KDM1B: variants seen among roughly 807,000 people sequenced by gnomAD.
KDM1B encodes the protein lysine demethylase 1B, also known as lysine-specific histone demethylase 2.
A neutral mutation model predicts 107.4 loss-of-function variants in KDM1B; 63 were observed. The observed-to-expected ratio is 0.59, with a 90% confidence interval of 0.48 to 0.72. The LOEUF (loss-of-function observed/expected upper bound fraction) is 0.72. KDM1B is among the 30% of genes least tolerant of loss of function. KDM1B has a pLI of 0.00. For missense variants in KDM1B, 749 were observed against 1,020.8 expected (o/e 0.73, Z 3.63); for synonymous variants, 363 against 363.9 (o/e 1.00, Z 0.03).
Position 18,213,451 on chromosome 6 carries a change from C to T in KDM1B, c.1984-205C>T, listed in dbSNP as rs545756718. ...AACTCCGTCTCAAAAAAAAAAAAAA[C>T]CCAAAAAACAAAACAAAACAAAAAA... is the stretch of plus-strand genomic sequence containing the variant. On this transcript the variant is annotated intron_variant, in intron 18 of 21. Coordinates refer to ENST00000650836, the MANE Select transcript of KDM1B (RefSeq NM_001364614.2). This position sits in a 1 kb window ranked among gnomAD's most constrained non-coding sequence, Gnocchi z 5.9. Among the ~76,000 whole-genome samples the T allele has an allele frequency of 1.4e-4, 21 of 147,352 alleles. No homozygotes were observed. The highest frequency in any genetic ancestry group is 5.3e-4 in the African/African-American group (21 of 39,946).
chr6:18,219,928 C>T (rs971526982), intron 21 of KDM1B, among the ~76,000 whole-genome samples: 4 of 152,188 alleles, frequency 2.6e-5, no homozygotes, highest in African/African-American at 9.6e-5. Flanking sequence ...GCCCTGATCT[C>T]TAAGTCACAT....
intron 21 of KDM1B, among the ~76,000 whole-genome samples, chr6:18,219,868 T>G (rs750816815): frequency 2.0e-5 from 3 of 152,240 alleles, no homozygotes; most frequent in Non-Finnish European, 1.5e-5. Context: ...AGCTTCATTG[T>G]TAGTTATGAA....
chr6:18,213,732 G>A lies in KDM1B; in HGVS notation c.2060G>A (p.Ser687Asn), dbSNP rs376929914. 41 of 1,614,006 alleles carry A rather than the reference G, an allele frequency of 2.5e-5. No homozygotes were observed. The highest frequency in any genetic ancestry group is 3.4e-5 in the Non-Finnish European group (40 of 1,179,958). The part of the protein sequence containing the change: ...GADFFGHVPP[S>N]ASKRGLFAVF... Reference sequence around the variant, plus strand: ...GACTTTTTTGGTCACGTTCCTCCCAGTGCCAGCAAGCGAGGGCTTTTTGCC... The same window carrying A: ...GACTTTTTTGGTCACGTTCCTCCCAATGCCAGCAAGCGAGGGCTTTTTGCC... The change falls in exon 19 of 22, where the codon AGT (serine) becomes AAT (asparagine). Residue 687 changes from serine (S) to asparagine (N), a missense_variant. By Grantham distance (46) the Ser-to-Asn change is conservative. Transcript: ENST00000650836. The surrounding 1 kb of genome is among the most constrained non-coding windows in gnomAD (Gnocchi z 5.9).
rs905348834 is a variant in KDM1B at position 18,162,672 on chromosome 6, T to C, written c.216-163T>C. Among the ~76,000 whole-genome samples, 70 of 152,178 alleles carry C rather than the reference T, an allele frequency of 4.6e-4. No homozygotes were observed. The highest frequency in any genetic ancestry group is 1.7e-3 in the African/African-American group (70 of 41,444). On this transcript the variant is annotated intron_variant, in intron 4 of 21. Transcript: ENST00000650836. The surrounding 1 kb of genome is among the most constrained non-coding windows in gnomAD (Gnocchi z 4.1). Reference sequence around the variant, plus strand: ...TAAGTCCCTGCATCCTTCCTGTGTGTTATTATCTACTAGTAATCCATTCCT... The same window carrying C: ...TAAGTCCCTGCATCCTTCCTGTGTGCTATTATCTACTAGTAATCCATTCCT...
intron 7 of KDM1B, among the ~76,000 whole-genome samples, chr6:18,185,129 C>G (rs1431230135): frequency 6.6e-6 from 1 of 152,094 alleles, no homozygotes; most frequent in Admixed American, 6.5e-5. Context: ...GAAAATATAA[C>G]CCAGTTAGAA....
intron 12 of KDM1B, among the ~76,000 whole-genome samples, chr6:18,198,467 G>A (rs1266281215): frequency 2.0e-5 from 3 of 151,478 alleles, no homozygotes; most frequent in Non-Finnish European, 2.9e-5. Flanking sequence ...CAGTTAAAGC[G>A]ATCTGCCTGC....
At position 18,201,122 on chromosome 6, in the gene KDM1B, C is replaced by T. The variant is rs1344214283; in HGVS notation, c.1360-364C>T. 6.6e-6 allele frequency among the ~76,000 whole-genome samples: 1 copy of T among 152,142 alleles called. No individual in the cohort carries two copies. Among genetic ancestry groups the T allele is most frequent in the East Asian group, 1.9e-4 (1 of 5,190 alleles). ...TTGATGGTCAATTCAATTTCAACTTCTGCTATGAGTGTTTGTGTGTTTGTG... is the reference window on the plus strand; with the variant it reads ...TTGATGGTCAATTCAATTTCAACTTTTGCTATGAGTGTTTGTGTGTTTGTG... On this transcript the variant is annotated intron_variant, in intron 13 of 21. Transcript: ENST00000650836. The surrounding 1 kb of genome is among the most constrained non-coding windows in gnomAD (Gnocchi z 4.3).
At position 18,183,157 on chromosome 6, in the gene KDM1B, C is replaced by T. The variant is rs559373842; in HGVS notation, c.535-2615C>T. 5.9e-5 allele frequency among the ~76,000 whole-genome samples: 9 copies of T among 152,060 alleles called. No individual in the cohort carries two copies. The East Asian group carries it at 1.7e-3, about 29-fold the overall frequency. ...CTACTACTCAGTTGAAGAAACAGAG[C>T]ACTCCCAGTGGCTTTGTCCCTCCCT... is the stretch of plus-strand genomic sequence containing the variant. On this transcript the variant is annotated intron_variant, in intron 7 of 21. Coordinates refer to ENST00000650836, the MANE Select transcript of KDM1B (RefSeq NM_001364614.2).
chr6:18,215,230 G>T (rs1256107353), intron 20 of KDM1B, 101 bp downstream of exon 20: 29 of 1,337,418 alleles, frequency 2.2e-5, no homozygotes, highest in South Asian at 2.8e-5. Flanking sequence ...TCACAGGAAG[G>T]AAGGCAGAGG....
intron 8 of KDM1B, 66 bp downstream of exon 8, chr6:18,185,876 A>G (rs1786820690): frequency 7.1e-7 from 1 of 1,417,810 alleles, no homozygotes; most frequent in Admixed American, 1.7e-5. Flanking sequence ...TTACAAGGAA[A>G]TGATAGTAAC....
intron 7 of KDM1B, among the ~76,000 whole-genome samples, chr6:18,177,443 GT>G (rs1226243371): frequency 7.0e-6 from 1 of 143,106 alleles, no homozygotes; most frequent in African/African-American, 2.6e-5. Context: ...ATTTTTTTTT[GT>G]TTCAATTTCA....
chr6:18,197,156 A>G lies in KDM1B; in HGVS notation c.1069A>G (p.Thr357Ala). The G allele has an allele frequency of 3.1e-6, 5 of 1,614,058 alleles. No homozygotes were observed. The highest frequency in any genetic ancestry group is 4.2e-6 in the Non-Finnish European group (5 of 1,179,988). Residue 357 changes from threonine (T) to alanine (A), a missense_variant, in exon 11 of 22, where the codon ACC (threonine) becomes GCC (alanine). Thr to Ala is a moderately conservative substitution (Grantham distance 58). Coordinates refer to ENST00000650836, the MANE Select transcript of KDM1B (RefSeq NM_001364614.2). This position sits in a 1 kb window ranked among gnomAD's most constrained non-coding sequence, Gnocchi z 4.5. ...QEVERILYFM[T>A]RKGLINTGVL... is the part of the protein sequence containing the mutation. ...AGTGGAGAGAATACTGTATTTTATG[A>G]CCAGAAAAGGTCTCATCAACACTGG...
In KDM1B at chr6:18,205,772, TCA is replaced by T; in HGVS notation, c.1659+109_1659+110del. The T allele has an allele frequency of 9.2e-7, 1 of 1,085,846 alleles. No individual in the cohort carries two copies. The highest frequency in any genetic ancestry group is 1.2e-6 in the Non-Finnish European group (1 of 819,514). 67.3% of individuals were successfully genotyped at this position (1,085,846 alleles called of 1,614,324 possible). On this transcript the variant is annotated intron_variant, in intron 15 of 21. Coordinates refer to ENST00000650836, the MANE Select transcript of KDM1B (RefSeq NM_001364614.2). This position sits in a 1 kb window ranked among gnomAD's most constrained non-coding sequence, Gnocchi z 5.7. ...ACTTTGGGAGGCCGAGGTGGGCAGA[TCA>T]TGAGGTCAGGAGATCGAGACCATCC...
chr6:18,213,896 C>G lies in KDM1B; in HGVS notation c.2109+115C>G. The G allele has an allele frequency of 8.6e-7, 1 of 1,157,674 alleles. No individual in the cohort carries two copies. The highest frequency in any genetic ancestry group is 1.3e-6 in the Non-Finnish European group (1 of 794,632). 71.7% of individuals were successfully genotyped at this position (1,157,674 alleles called of 1,614,324 possible). ...AACGAACATCATGGAGACCCTGGGT[C>G]TATGTTTATATTCTGGGAGGACACT... On this transcript the variant is annotated intron_variant, in intron 19 of 21. Coordinates refer to ENST00000650836, the MANE Select transcript of KDM1B (RefSeq NM_001364614.2). This position sits in a 1 kb window ranked among gnomAD's most constrained non-coding sequence, Gnocchi z 5.9.
At position 18,162,163 on chromosome 6, in the gene KDM1B, A is replaced by G. The variant is rs1033576904; in HGVS notation, c.216-672A>G. ...TGGTGAAACCCTGTCTCTACTAAAA[A>G]TACACAAATTAGCTGGGCACGGTGG... On this transcript the variant is annotated intron_variant, in intron 4 of 21. Transcript: ENST00000650836. This position sits in a 1 kb window ranked among gnomAD's most constrained non-coding sequence, Gnocchi z 4.1. Among the ~76,000 whole-genome samples the G allele has an allele frequency of 6.6e-6, 1 of 152,066 alleles. No homozygotes were observed. Among genetic ancestry groups the G allele is most frequent in the African/African-American group, 2.4e-5 (1 of 41,410 alleles).
chr6:18,219,193 C>T (rs928199461), intron 21 of KDM1B, among the ~76,000 whole-genome samples: 7 of 152,190 alleles, frequency 4.6e-5, no homozygotes, highest in South Asian at 2.1e-4. Context: ...TGAGCCACCG[C>T]GCCTGGCCTG....
intron 17 of KDM1B, among the ~76,000 whole-genome samples, chr6:18,210,823 A>G (rs1788807286): frequency 6.6e-6 from 1 of 151,976 alleles, no homozygotes; most frequent in Non-Finnish European, 1.5e-5. Flanking sequence ...ACATGGTGAG[A>G]CCCTGTCTCT....
rs1216144559 is a variant in KDM1B at position 18,197,964 on chromosome 6, C to T, written c.1221+303C>T. 5.0e-5 allele frequency among the ~76,000 whole-genome samples: 7 copies of T among 140,784 alleles called. No homozygotes were observed. Among genetic ancestry groups the T allele is most frequent in the South Asian group, 4.4e-4 (2 of 4,524 alleles). The allele number at this position is 140,784 out of a possible 152,430, so 92.4% of individuals were successfully genotyped here. On this transcript the variant is annotated intron_variant, in intron 12 of 21. Transcript: ENST00000650836. This position sits in a 1 kb window ranked among gnomAD's most constrained non-coding sequence, Gnocchi z 4.5. ...TTTTTGAGACAGAGTCTTGCTCTGT[C>T]GCCCAGGCTGGAGTGCAGCAGTGCG...
Position 18,213,455 on chromosome 6 carries a change from AAAAAC to A in KDM1B, c.1984-186_1984-182del, listed in dbSNP as rs1040278833. On this transcript the variant is annotated intron_variant, in intron 18 of 21. Transcript: ENST00000650836. This position sits in a 1 kb window ranked among gnomAD's most constrained non-coding sequence, Gnocchi z 5.9. ...CCGTCTCAAAAAAAAAAAAAACCCA[AAAAAC>A]AAAACAAAACAAAAAACAACCAAGG... Among the ~76,000 whole-genome samples the A allele has an allele frequency of 5.3e-5, 8 of 152,020 alleles. 1 individual carries two copies. The highest frequency in any genetic ancestry group is 4.1e-4 in the South Asian group (2 of 4,824).
Sources: gnomAD v4.1 joint callset for allele counts (sites outside exome capture counted in the v4.1 genomes callset) on GRCh38, gnomAD v4.1.1 for gene constraint, Gnocchi (gnomAD v3.1) non-coding constraint, MANE v1.5 for transcripts, NCBI Gene and HGNC (gene_info 2026-07-23, HGNC 2026-07-21) for gene names.